TOGARAM1: variants seen among roughly 807,000 people sequenced by gnomAD.
TOGARAM1 encodes TOG array regulator of axonemal microtubules protein 1.
In TOGARAM1, 100 loss-of-function variants were observed where a neutral mutation model predicts 166.6. The ratio of observed to expected loss-of-function variants is 0.60; its 90% confidence interval spans 0.51 to 0.71. The LOEUF is 0.71. TOGARAM1 is among the 30% of genes least tolerant of loss of function. TOGARAM1 has a pLI of 0.00. For synonymous variants in TOGARAM1, 758 were observed against 763.8 expected, an observed-to-expected ratio of 0.99 and a Z score of 0.13; for missense variants, 2,029 against 2,102.7, an observed-to-expected ratio of 0.96 and a Z score of 0.69.
intron 3 of TOGARAM1, among the ~76,000 whole-genome samples, chr14:45,000,298 C>T (rs185347766): frequency 6.6e-6 from 1 of 152,288 alleles, no homozygotes; most frequent in East Asian, 1.9e-4. Context: ...TGTGCCCGGC[C>T]TCTTATTTTA....
At position 45,008,769 on chromosome 14, in the gene TOGARAM1, A is replaced by C. The variant is rs1879610509; in HGVS notation, c.2905-144A>C. 5.1e-6 allele frequency: 3 copies of C among 590,964 alleles called. No individual in the cohort carries two copies. The South Asian group carries it at 6.5e-5, about 13-fold the overall frequency. The allele number at this position is 590,964 out of a possible 1,614,324, so 36.6% of individuals were successfully genotyped here. On this transcript the variant is annotated intron_variant, in intron 5 of 19. Coordinates refer to ENST00000361462, the MANE Select transcript of TOGARAM1 (RefSeq NM_001308120.2). Reference sequence around the variant, plus strand: ...AAATCTGTGTATTGATACTATATACATATATATTAGTATTCATCTTGTTTT... The same window carrying C: ...AAATCTGTGTATTGATACTATATACCTATATATTAGTATTCATCTTGTTTT...
At chr14:45,016,696 C>A (rs1449474724) in intron 7 of TOGARAM1, among the ~76,000 whole-genome samples, 1 of 152,078 alleles carries the variant, frequency 6.6e-6, no homozygotes, top group Admixed American at 6.6e-5. Flanking sequence ...CATACCTGGC[C>A]TCATTGTAAT....
rs149750216 is a variant in TOGARAM1, at chr14:45,041,944, G to A, written c.3813-1742G>A. ...CGCCTGGCTAATTTTTATATTTTTT[G>A]TAGAGACAGAGTTTCACCCAAGCTA... On this transcript the variant is annotated intron_variant, in intron 11 of 19. Coordinates refer to ENST00000361462, the MANE Select transcript of TOGARAM1 (RefSeq NM_001308120.2). 2.4e-4 allele frequency among the ~76,000 whole-genome samples: 37 copies of A among 152,250 alleles called. No homozygotes were observed. In the East Asian group the frequency reaches 5.8e-3, roughly 24 times the overall value.
At chr14:45,068,336 G>C in intron 17 of TOGARAM1, 88 bp from the exon 18 acceptor site, 1 of 948,386 alleles carries the variant, frequency 1.1e-6, no homozygotes, top group Non-Finnish European at 1.5e-6. Context: ...AGTAAAGTAG[G>C]AGAAATATTA....
intron 16 of TOGARAM1, among the ~76,000 whole-genome samples, chr14:45,065,834 G>C (rs896447999): frequency 6.6e-6 from 1 of 152,142 alleles, no homozygotes; most frequent in Non-Finnish European, 1.5e-5. Context: ...TTTTGAAAGA[G>C]GTTCAAGGTA....
At chr14:45,045,601 G>A (rs868615588) in intron 13 of TOGARAM1, among the ~76,000 whole-genome samples, 322 of 77,446 alleles carry the variant, frequency 4.2e-3, no homozygotes, top group African/African-American at 7.9e-3. Flanking sequence ...GTGTGTGTGT[G>A]TGTGTGTGTG....
chr14:44,996,540 C>T (rs1302436688), intron 2 of TOGARAM1: 5 of 152,176 alleles, frequency 3.3e-5, no homozygotes, highest in Non-Finnish European at 5.9e-5. Context: ...TTACTTTTTA[C>T]TCTGAATGAG....
intron 2 of TOGARAM1, chr14:44,996,594 A>C (rs1887423264): frequency 6.6e-6 from 1 of 152,238 alleles, no homozygotes; most frequent in African/African-American, 2.4e-5. Context: ...TTCCAGGCTC[A>C]TTTTGGATTT....
intron 14 of TOGARAM1, among the ~76,000 whole-genome samples, chr14:45,051,751 G>A (rs1392264944): frequency 1.3e-5 from 2 of 151,818 alleles, no homozygotes; most frequent in South Asian, 4.2e-4. Context: ...TAGGAGAGAC[G>A]GGGTTTCATC....
At chr14:45,014,080 C>G (rs960785697) in intron 7 of TOGARAM1, among the ~76,000 whole-genome samples, 3 of 144,788 alleles carry the variant, frequency 2.1e-5, no homozygotes, top group Admixed American at 7.0e-5. Flanking sequence ...GAGTCTCGCT[C>G]TGTCGCTGAG....
intron 13 of TOGARAM1, 63 bp downstream of exon 13, chr14:45,044,933 G>A (rs1008030109): frequency 2.4e-6 from 3 of 1,246,984 alleles, no homozygotes; most frequent in Non-Finnish European, 3.3e-6. Flanking sequence ...AATCGGGACT[G>A]TAGAAAAGAA....
At chr14:45,064,776 G>T (rs1043528610) in intron 16 of TOGARAM1, among the ~76,000 whole-genome samples, 2 of 152,184 alleles carry the variant, frequency 1.3e-5, no homozygotes, top group African/African-American at 4.8e-5. Flanking sequence ...GTAGTTATTC[G>T]CATGGTTGAA....
At chr14:44,994,407 T>C (rs1887315150) in intron 1 of TOGARAM1, among the ~76,000 whole-genome samples, 1 of 152,060 alleles carries the variant, frequency 6.6e-6, no homozygotes, top group Admixed American at 6.6e-5. Context: ...GCATGAGCCA[T>C]CATGCCCAGC....
Position 45,008,437 on chromosome 14 carries a change from G to A in TOGARAM1, c.2905-476G>A, listed in dbSNP as rs549072594. 1.9e-4 allele frequency among the ~76,000 whole-genome samples: 29 copies of A among 151,966 alleles called. 3 individuals are homozygous for A. The highest frequency in any genetic ancestry group is 5.1e-4 in the African/African-American group (21 of 41,456). On this transcript the variant is annotated intron_variant, in intron 5 of 19. Transcript: ENST00000361462. Reference sequence around the variant, plus strand: ...AAAAATATTTGGCTTCAGAAGTTACGTACAGTGATCTGTAATTTTAATACT... The same window carrying A: ...AAAAATATTTGGCTTCAGAAGTTACATACAGTGATCTGTAATTTTAATACT...
rs764532191 is a variant in TOGARAM1, at chr14:44,962,705, A to G, written c.284A>G (p.Glu95Gly). Residue 95 changes from glutamate (E) to glycine (G), a missense_variant, in exon 1 of 20, where the codon GAG becomes GGG. Physicochemically the swap from Glu to Gly is moderately conservative, Grantham distance 98. Coordinates refer to ENST00000361462, the MANE Select transcript of TOGARAM1 (RefSeq NM_001308120.2). ...SGGGLSGGDE[E>G]DTRLLQLLRT... ...GGCGGTTTGTCAGGGGGAGATGAAG[A>G]GGACACTCGGCTCCTTCAACTCCTC... The G allele has an allele frequency of 5.6e-6, 9 of 1,614,002 alleles. No individual in the cohort carries two copies. The African/African-American group carries it at 9.3e-5, about 17-fold the overall frequency.
At chr14:45,045,248 T>G (rs1391207024) in intron 13 of TOGARAM1, among the ~76,000 whole-genome samples, 1 of 151,730 alleles carries the variant, frequency 6.6e-6, no homozygotes, top group Admixed American at 6.6e-5. Flanking sequence ...TTCTGAGATT[T>G]TTGTGCACCC....
At chr14:44,982,629 C>T (rs1407571502) in intron 1 of TOGARAM1, among the ~76,000 whole-genome samples, 2 of 152,152 alleles carry the variant, frequency 1.3e-5, no homozygotes, top group Non-Finnish European at 2.9e-5. Flanking sequence ...TAGACTGTTA[C>T]AGGCGGAGAC....
At position 44,962,814 on chromosome 14, in the gene TOGARAM1, A is replaced by T; in HGVS notation, c.393A>T (p.Arg131=). The T allele has an allele frequency of 6.2e-7, 1 of 1,612,676 alleles. No individual in the cohort carries two copies. The highest frequency in any genetic ancestry group is 8.5e-7 in the Non-Finnish European group (1 of 1,179,988). ...GGGGCGGTCGACTTGGCTTCCCCCG[A>T]CGCAAGGAAGCTTTGTATCGGGCAC... ...PRRGGRLGFP[R]RKEALYRALG... is the part of the protein sequence containing the mutation. The change falls in exon 1 of 20, where the codon CGA becomes CGT. Residue 131 remains arginine, a synonymous_variant. Transcript: ENST00000361462.
intron 1 of TOGARAM1, among the ~76,000 whole-genome samples, chr14:44,991,484 A>T (rs1417224983): frequency 6.6e-6 from 1 of 152,180 alleles, no homozygotes; most frequent in Non-Finnish European, 1.5e-5. Context: ...TTAGGCAGCC[A>T]TTAAAGATAA....
Sources: gnomAD v4.1 joint callset for allele counts (sites outside exome capture counted in the v4.1 genomes callset) on GRCh38, gnomAD v4.1.1 for gene constraint, MANE v1.5 for transcripts, NCBI Gene and HGNC (gene_info 2026-07-23, HGNC 2026-07-21) for gene names.